The following SEC16B variants were observed in gnomAD, a reference collection of about 807,000 sequenced individuals.
SEC16B encodes the protein protein transport protein Sec16B.
SEC16B carries 115 observed loss-of-function variants against 141.8 expected under a neutral mutation model. That is an observed-to-expected ratio of 0.81 (90% CI 0.70 to 0.95). SEC16B has a LOEUF of 0.95. SEC16B is among the 40% of genes least tolerant of loss of function. The pLI, the probability that SEC16B is intolerant of heterozygous loss-of-function variation, is 0.00. For missense variants in SEC16B, 1,291 were observed against 1,312.3 expected (o/e 0.98, Z 0.25); for synonymous variants, 493 against 492.5 (o/e 1.00, Z -0.01).
At chr1:177,933,071 C>T in intron 22 of SEC16B, 143 bp downstream of exon 22, 1 of 706,628 alleles carries the variant, frequency 1.4e-6, no homozygotes, top group Non-Finnish European at 2.4e-6. Context: ...CCATTCATTT[C>T]CCACCATATC....
At chr1:177,932,290 T>C (rs1161411770) in intron 24 of SEC16B, among the ~76,000 whole-genome samples, 200 bp downstream of exon 24, 1 of 152,220 alleles carries the variant, frequency 6.6e-6, no homozygotes, top group Non-Finnish European at 1.5e-5. Context: ...GCTTTCAGCC[T>C]GGAGAACTGT....
At chr1:177,930,749 A>T (rs1650356236) in intron 24 of SEC16B, 106 bp from the exon 25 acceptor site, 5 of 756,446 alleles carry the variant, frequency 6.6e-6, no homozygotes, top group Non-Finnish European at 1.1e-5. Flanking sequence ...TTTCTCAGTG[A>T]TTTCTTTAAG....
At chr1:177,972,624 T>A (rs1018636115), upstream of SEC16B, among the ~76,000 whole-genome samples, 3 of 152,220 alleles carry the variant, frequency 2.0e-5, no homozygotes, top group African/African-American at 7.2e-5. Context: ...CCTAGAAGTT[T>A]ACTAATTTAT....
chr1:177,967,832 T>C lies in SEC16B; in HGVS notation c.150A>G (p.Gln50=), dbSNP rs748010871. 2.8e-5 allele frequency: 45 copies of C among 1,613,876 alleles called. No individual in the cohort carries two copies. In the Middle Eastern group the frequency reaches 4.9e-4, roughly 18 times the overall value. Residue 50 remains glutamine (Q), a synonymous_variant, in exon 2 of 26, where the codon CAA becomes CAG. Transcript: ENST00000308284. ...WHNGERFHQW[Q]DNRGSPQPQQ... ...GTGGCTGGGGGCTCCCACGGTTGTC[T>C]TGCCATTGGTGAAACCTCTCTCCAT...
At position 177,960,928 on chromosome 1, in the gene SEC16B, C is replaced by CTTCATGGG. The variant is rs757755531; in HGVS notation, c.798_799insCCCATGAA (p.Ala267ProfsTer10). On this transcript the variant is annotated frameshift_variant, in exon 7 of 26. Coordinates refer to ENST00000308284, the MANE Select transcript of SEC16B (RefSeq NM_033127.4). LOFTEE classifies it high-confidence loss of function. ...AACTTCATGGGTGCTTTGGGACCAGCTGAGGAGACATCTTCTGACCAACAG... is the reference window on the plus strand; with the variant it reads ...AACTTCATGGGTGCTTTGGGACCAGCTTCATGGGTGAGGAGACATCTTCTGACCAACAG... 1 of 1,500,148 alleles carries CTTCATGGG rather than the reference C, an allele frequency of 6.7e-7. No individual in the cohort carries two copies. 92.9% of individuals were successfully genotyped at this position (1,500,148 alleles called of 1,614,324 possible).
upstream of SEC16B, among the ~76,000 whole-genome samples, chr1:177,972,211 A>G (rs1447062332): frequency 6.6e-6 from 1 of 152,224 alleles, no homozygotes; most frequent in Non-Finnish European, 1.5e-5. Flanking sequence ...AATTAGCTTT[A>G]ATTATTCTAT....
rs201001599 is a variant in SEC16B at position 177,958,180 on chromosome 1, C to T, written c.1317G>A (p.Ala439=). The change falls in exon 10 of 26, where the codon GCG becomes GCA. Residue 439 remains alanine (A), a synonymous_variant. Transcript: ENST00000308284. The part of the protein sequence containing the change: ...GEIPPSVETP[A]QIVEKFTRLL... ...GCCTAGTGAATTTCTCCACGATCTGCGCAGGTGTCTCCACACTGGGGGGGA... is the reference window on the plus strand; with the variant it reads ...GCCTAGTGAATTTCTCCACGATCTGTGCAGGTGTCTCCACACTGGGGGGGA... The T allele has an allele frequency of 2.8e-5, 44 of 1,593,252 alleles. No individual in the cohort carries two copies. The highest frequency in any genetic ancestry group is 2.0e-4 in the South Asian group (17 of 85,996).
chr1:177,935,589 AATG>A (rs925087063), intron 20 of SEC16B, among the ~76,000 whole-genome samples: 10 of 152,030 alleles, frequency 6.6e-5, no homozygotes, highest in African/African-American at 2.4e-4. Flanking sequence ...TGTTGGATTG[AATG>A]ATATTTGATT....
At chr1:177,938,709 A>G (rs1651048728) in intron 18 of SEC16B, among the ~76,000 whole-genome samples, 1 of 152,088 alleles carries the variant, frequency 6.6e-6, no homozygotes, top group Non-Finnish European at 1.5e-5. Flanking sequence ...ATCTAACTCC[A>G]CACCTTTTTA....
intron 4 of SEC16B, 91 bp from the exon 5 acceptor site, chr1:177,964,370 C>T (rs3813652): frequency 0.23 from 185,496 of 810,998 alleles, 22,582 homozygotes; most frequent in East Asian, 0.35. Flanking sequence ...TGCTCCAAAG[C>T]GTGGGCAGGT....
At chr1:177,946,579 G>A in intron 13 of SEC16B, 48 bp from the exon 14 acceptor site, 2 of 1,428,250 alleles carry the variant, frequency 1.4e-6, no homozygotes, top group Non-Finnish European at 1.9e-6. Flanking sequence ...CACCCGTATG[G>A]GGAGCCATCA....
chr1:177,932,526 A>C lies in SEC16B; in HGVS notation c.2976T>G (p.Ala992=). 6.4e-7 allele frequency: 1 copy of C among 1,559,002 alleles called. No individual in the cohort carries two copies. The highest frequency in any genetic ancestry group is 8.7e-7 in the Non-Finnish European group (1 of 1,152,044). ...ACAAGCCTCCAACCCCAGCGCCCGCAGCTGCTCCCCCGCTGGATGCGGATC... is the reference window on the plus strand; with the variant it reads ...ACAAGCCTCCAACCCCAGCGCCCGCCGCTGCTCCCCCGCTGGATGCGGATC... The part of the protein sequence containing the change: ...GRGSASSGGA[A]AGAGVGGLSG... The change falls in exon 24 of 26, where the codon GCT becomes GCG. Residue 992 remains alanine (A), a synonymous_variant. Coordinates refer to ENST00000308284, the MANE Select transcript of SEC16B (RefSeq NM_033127.4).
At chr1:177,935,168 C>T (rs1262020915) in intron 20 of SEC16B, among the ~76,000 whole-genome samples, 2 of 152,210 alleles carry the variant, frequency 1.3e-5, no homozygotes, top group African/African-American at 4.8e-5. Context: ...CTTCCTTGGC[C>T]ACCCCTCTGA....
upstream of SEC16B, among the ~76,000 whole-genome samples, chr1:177,971,812 C>T (rs895293778): frequency 2.6e-5 from 4 of 152,152 alleles, no homozygotes; most frequent in African/African-American, 9.7e-5. Context: ...CACACCAGTG[C>T]AAGTTTAGTA....
chr1:177,978,742 AATAGC>A (rs76360933), intron 1 of SEC16B, among the ~76,000 whole-genome samples: 2,864 of 146,334 alleles, frequency 0.02, 44 homozygotes, highest in East Asian at 0.043. Context: ...TAAATAAATA[AATAGC>A]ATAGCAGAAA....
Position 177,954,287 on chromosome 1 carries a change from G to T in SEC16B, c.1455C>A (p.Val485=). 6.4e-7 allele frequency: 1 copy of T among 1,563,898 alleles called. No individual in the cohort carries two copies. The highest frequency in any genetic ancestry group is 8.7e-7 in the Non-Finnish European group (1 of 1,153,354). Residue 485 remains valine, a synonymous_variant, in exon 11 of 26, where the codon GTC becomes GTA. Coordinates refer to ENST00000308284, the MANE Select transcript of SEC16B (RefSeq NM_033127.4). ...SKMDPQTYSW[V]MSGFTSTLAL... ...GTTAAGTCCTGACTCACCCACTCAT[G>T]ACCCAGCTGTAGGTCTGTGGGTCCA...
At chr1:177,960,633 G>C in intron 7 of SEC16B, 158 bp downstream of exon 7, 1 of 798,868 alleles carries the variant, frequency 1.3e-6, no homozygotes, top group East Asian at 2.7e-5. Flanking sequence ...ACCCATTCCT[G>C]CACCCTCCTA....
At chr1:177,959,622 G>T (rs1652905636) in intron 8 of SEC16B, 1 of 155,906 alleles carries the variant, frequency 6.4e-6, no homozygotes, top group Non-Finnish European at 1.4e-5. Context: ...ATATAGTAGT[G>T]ATGATACTTT....
chr1:177,952,086 A>G, intron 11 of SEC16B, 91 bp from the exon 12 acceptor site: 1 of 1,094,948 alleles, frequency 9.1e-7, no homozygotes, highest in South Asian at 1.3e-5. Context: ...TAATTCTATT[A>G]GATTTTGGCA....
Sources: gnomAD v4.1 joint callset for allele counts (sites outside exome capture counted in the v4.1 genomes callset) on GRCh38, gnomAD v4.1.1 for gene constraint, MANE v1.5 for transcripts, NCBI Gene and HGNC (gene_info 2026-07-23, HGNC 2026-07-21) for gene names.